The following NRG1 variants were observed in gnomAD, a reference collection of about 807,000 sequenced individuals.
NRG1 encodes the protein neuregulin 1.
NRG1 carries 18 observed loss-of-function variants against 63.8 expected under a neutral mutation model. The observed-to-expected ratio is 0.28, with a 90% confidence interval of 0.19 to 0.42. The LOEUF (loss-of-function observed/expected upper bound fraction) is 0.42, where lower values mean the gene tolerates loss of function less well. Among genes scored for constraint, NRG1 ranks in the 10% least tolerant of loss-of-function variants. The pLI, the probability that NRG1 is intolerant of heterozygous loss-of-function variation, is 1.00. For synonymous variants in NRG1, 302 were observed against 301.3 expected, an observed-to-expected ratio of 1.00 and a Z score of -0.02; for missense variants, 762 against 814.7, an observed-to-expected ratio of 0.94 and a Z score of 0.79.
intron 5 of NRG1, among the ~76,000 whole-genome samples, chr8:32,701,311 T>G (rs975702623): frequency 2.0e-5 from 3 of 152,332 alleles, no homozygotes; most frequent in African/African-American, 7.2e-5. Context: ...CTGAGAAATC[T>G]GAACTATTTT....
intron 1 of NRG1, among the ~76,000 whole-genome samples, chr8:32,443,244 G>T (rs559048096): frequency 6.6e-6 from 1 of 151,976 alleles, no homozygotes; most frequent in Admixed American, 6.6e-5. Context: ...ACCCAGCCTG[G>T]GTGTCTGTCT....
chr8:32,414,413 T>C (rs1272155919), intron 1 of NRG1, among the ~76,000 whole-genome samples: 1 of 152,256 alleles, frequency 6.6e-6, no homozygotes, highest in Non-Finnish European at 1.5e-5. Flanking sequence ...ATCTCCCTTT[T>C]TCTTGCCATT....
At chr8:32,508,460 T>TC (rs1391477260) in intron 1 of NRG1, among the ~76,000 whole-genome samples, 1 of 150,912 alleles carries the variant, frequency 6.6e-6, no homozygotes, top group Non-Finnish European at 1.5e-5. Flanking sequence ...CCAGCTAGTT[T>TC]TTTTTTTTTT....
At chr8:32,402,204 C>A (rs370959092) in intron 1 of NRG1, among the ~76,000 whole-genome samples, 2 of 152,118 alleles carry the variant, frequency 1.3e-5, no homozygotes, top group African/African-American at 4.8e-5. Context: ...TGAGCCACCA[C>A]GCCTGGCCTA....
At chr8:31,890,706 A>G (rs1450486198) in intron 1 of NRG1, among the ~76,000 whole-genome samples, 1 of 152,242 alleles carries the variant, frequency 6.6e-6, no homozygotes, top group Non-Finnish European at 1.5e-5. Context: ...TTTGAAAAAG[A>G]AAAACATAAA....
At chr8:32,370,710 T>G (rs1345970122) in intron 1 of NRG1, among the ~76,000 whole-genome samples, 1 of 150,252 alleles carries the variant, frequency 6.7e-6, no homozygotes, top group Non-Finnish European at 1.5e-5. Context: ...ATACAAAAAT[T>G]AGCCAGGCAT....
chr8:31,821,593 G>A (rs1007935319), intron 1 of NRG1, among the ~76,000 whole-genome samples: 1 of 151,988 alleles, frequency 6.6e-6, no homozygotes, highest in African/African-American at 2.4e-5. Context: ...AGTTCTTTTT[G>A]ACAGTTTTAT....
At chr8:32,680,263 T>C (rs2128914161) in intron 5 of NRG1, among the ~76,000 whole-genome samples, 1 of 152,274 alleles carries the variant, frequency 6.6e-6, no homozygotes, top group South Asian at 2.1e-4. Context: ...ACCATTAATA[T>C]AGATCTAGGG....
chr8:32,759,485 G>T (rs1169340107), intron 10 of NRG1, 49 bp downstream of exon 10: 1 of 1,590,852 alleles, frequency 6.3e-7, no homozygotes, highest in Non-Finnish European at 8.6e-7. Context: ...ATGAATTGTT[G>T]CACATTGCCT....
intron 5 of NRG1, among the ~76,000 whole-genome samples, chr8:32,640,618 C>CTGCA (rs1270551369): frequency 1.2e-5 from 1 of 82,826 alleles, no homozygotes; most frequent in African/African-American, 4.8e-5. Flanking sequence ...GATCTCAGAC[C>CTGCA]CGCACACACA....
At chr8:32,172,420 ACT>A (rs1409096147) in intron 1 of NRG1, among the ~76,000 whole-genome samples, 3 of 152,224 alleles carry the variant, frequency 2.0e-5, no homozygotes, top group Non-Finnish European at 4.4e-5. Context: ...AAAACTGGAA[ACT>A]CTAAAAATCA....
intron 1 of NRG1, among the ~76,000 whole-genome samples, chr8:31,743,528 T>G (rs939024415): frequency 5.9e-5 from 9 of 151,982 alleles, no homozygotes; most frequent in African/African-American, 2.2e-4. Context: ...TCATAAGCTA[T>G]AAATGGTAAT....
intron 1 of NRG1, among the ~76,000 whole-genome samples, chr8:32,518,804 A>T (rs1376850584): frequency 6.6e-6 from 1 of 152,218 alleles, no homozygotes. Context: ...GTGGGGAAAA[A>T]AGTTGACTAC....
chr8:31,768,629 T>C (rs911114956), intron 1 of NRG1, among the ~76,000 whole-genome samples: 1 of 152,202 alleles, frequency 6.6e-6, no homozygotes, highest in African/African-American at 2.4e-5. Context: ...ATACTAACCA[T>C]AGTTTCTCAT....
At chr8:32,457,485 G>A (rs781572845) in intron 1 of NRG1, among the ~76,000 whole-genome samples, 23 of 152,130 alleles carry the variant, frequency 1.5e-4, no homozygotes, top group Middle Eastern at 3.4e-3. Context: ...CAAACAATAC[G>A]AACTAGAAAA....
At chr8:32,586,158 CTATATATATA>C (rs5890660) in intron 1 of NRG1, among the ~76,000 whole-genome samples, 37,796 of 146,272 alleles carry the variant, frequency 0.26, 5,005 homozygotes, top group South Asian at 0.32. Flanking sequence ...GTTGAAAGTA[CTATATATATA>C]TATATATATA....
intron 1 of NRG1, among the ~76,000 whole-genome samples, chr8:31,767,567 C>A (rs1240513348): frequency 6.6e-6 from 1 of 152,060 alleles, no homozygotes; most frequent in African/African-American, 2.4e-5. Flanking sequence ...TTAGCCAGCA[C>A]GGTGGCTCTT....
At chr8:32,406,287 G>C (rs1051071034) in intron 1 of NRG1, among the ~76,000 whole-genome samples, 1 of 152,108 alleles carries the variant, frequency 6.6e-6, no homozygotes, top group Non-Finnish European at 1.5e-5. Flanking sequence ...CAGACTGTGT[G>C]GGTTTGAGCT....
intron 1 of NRG1, among the ~76,000 whole-genome samples, chr8:31,661,183 G>A (rs1431203550): frequency 3.9e-5 from 6 of 152,146 alleles, no homozygotes; most frequent in African/African-American, 1.4e-4. Flanking sequence ...TCATAGAGCT[G>A]TTGATTTGAG....
Sources: allele counts gnomAD v4.1 joint callset (sites outside exome capture counted in the v4.1 genomes callset), GRCh38; gene constraint gnomAD v4.1.1; transcripts MANE v1.5; gene names NCBI Gene and HGNC (gene_info 2026-07-23, HGNC 2026-07-21).